The following RGPD4 variants were observed in gnomAD, a reference collection of about 807,000 sequenced individuals.
The protein encoded by RGPD4 is RANBP2 like and GRIP domain containing 4.
In RGPD4, 84 loss-of-function variants were observed where a neutral mutation model predicts 141.1. The ratio of observed to expected loss-of-function variants is 0.60; its 90% CI spans 0.50 to 0.71. The LOEUF is 0.71. RGPD4 is among the 30% of genes least tolerant of loss of function. The probability of loss-of-function intolerance (pLI) is 0.00; values close to 1 mark genes in which losing one functional copy is unlikely to be tolerated. For missense variants in RGPD4, 918 were observed against 1,622.4 expected, an observed-to-expected ratio of 0.57 and a Z score of 7.46; for synonymous variants, 298 against 566.8, an observed-to-expected ratio of 0.53 and a Z score of 6.74.
intron 7 of RGPD4, among the ~76,000 whole-genome samples, chr2:107,854,225 GTTT>G (rs1205040896): frequency 7.3e-6 from 1 of 136,382 alleles, no homozygotes; most frequent in African/African-American, 2.9e-5. Flanking sequence ...CTGGCTCTTT[GTTT>G]TTTTTTTTTA....
chr2:107,885,234 A>G (rs1675479598), intron 22 of RGPD4, among the ~76,000 whole-genome samples: 1 of 152,136 alleles, frequency 6.6e-6, no homozygotes, highest in Non-Finnish European at 1.5e-5. Flanking sequence ...GTCACCTAAG[A>G]GTAAAACTGC....
intron 21 of RGPD4, among the ~76,000 whole-genome samples, chr2:107,881,042 A>C (rs1178784410): frequency 6.6e-6 from 1 of 151,508 alleles, no homozygotes; most frequent in African/African-American, 2.4e-5. Context: ...ACAAAATTCA[A>C]ACTCATAGCT....
rs770246025 is a variant in RGPD4 at position 107,827,087 on chromosome 2, T to G, written c.72+2T>G. 6.3e-6 allele frequency: 10 copies of G among 1,589,062 alleles called. No individual in the cohort carries two copies. The highest frequency in any genetic ancestry group is 8.6e-6 in the Non-Finnish European group (10 of 1,169,198). On this transcript the variant is annotated splice_donor_variant, in intron 1 of 22. Transcript: ENST00000408999. LOFTEE classifies it high-confidence loss of function. ...GGCTCCGCCCCGTCGCCTCGAAAGG[T>G]GAGTGGATCTCGAAGAGACCGACGG...
rs1219216960 is a variant in RGPD4 at position 107,827,322 on chromosome 2, G to A, written c.72+237G>A. ...CGCGCTCTGTTGAGGCGGCGGCCTC[G>A]ACCCGGCCCGGCGGCGGCCTCGATG... On this transcript the variant is annotated intron_variant, in intron 1 of 22. Transcript: ENST00000408999. Among the ~76,000 whole-genome samples, 58 of 135,710 alleles carry A rather than the reference G, an allele frequency of 4.3e-4. 1 individual carries two copies. The highest frequency in any genetic ancestry group is 1.5e-3 in the African/African-American group (52 of 35,800). The allele number at this position is 135,710 out of a possible 152,430, so 89.0% of individuals were successfully genotyped here.
rs1438712890 is a variant in RGPD4 at position 107,862,995 on chromosome 2, T to C, written c.2432T>C (p.Leu811Ser). ...CGATGGGCAGAAGATCAGAATTCTT[T>C]ACTGAAAATGATTCGCCAAGAAGTA... Reference protein sequence around the residue: ...PPRWAEDQNSLLKMIRQEVKA... With the variant: ...PPRWAEDQNSSLKMIRQEVKA... The change falls in exon 17 of 23, where the codon TTA (leucine) becomes TCA (serine). Residue 811 changes from leucine to serine, a missense_variant. Physicochemically the swap from Leu to Ser is moderately radical, Grantham distance 145. Transcript: ENST00000408999. 2 of 1,564,968 alleles carry C rather than the reference T, an allele frequency of 1.3e-6. No individual in the cohort carries two copies. The highest frequency in any genetic ancestry group is 8.6e-7 in the Non-Finnish European group (1 of 1,157,138).
intron 9 of RGPD4, among the ~76,000 whole-genome samples, chr2:107,857,610 T>A (rs1326596369): frequency 6.6e-6 from 1 of 151,660 alleles, no homozygotes; most frequent in Non-Finnish European, 1.5e-5. Flanking sequence ...TTTTTTTTTT[T>A]AATTGGTAGA....
chr2:107,870,764 T>C lies in RGPD4; in HGVS notation c.2760T>C (p.Ala920=). ...TKEGFSIPVS[A]DGFKFGISEP... is the part of the protein sequence containing the mutation. ...AAGGATTTTCCATCCCTGTGTCTGC[T>C]GATGGATTTAAATTTGGCATTTCGG... is the stretch of plus-strand genomic sequence containing the variant. Residue 920 remains alanine (A), a synonymous_variant, in exon 20 of 23, where the codon GCT becomes GCC. Transcript: ENST00000408999. 6.2e-7 allele frequency: 1 copy of C among 1,610,362 alleles called. No homozygotes were observed. Among genetic ancestry groups the C allele is most frequent in the East Asian group, 2.2e-5 (1 of 44,862 alleles).
At position 107,871,561 on chromosome 2, in the gene RGPD4, G is replaced by T. The variant is rs373812613; in HGVS notation, c.3557G>T (p.Gly1186Val). The T allele has an allele frequency of 1.3e-6, 2 of 1,554,144 alleles. No homozygotes were observed. The stretch of plus-strand genomic sequence containing the variant: ...ACTCCCCATAAACTTGTAGATACTG[G>T]CAGAGCTGCCAAGTTAATACAGAGA... ...LQTPHKLVDT[G>V]RAAKLIQRAE... Residue 1186 changes from glycine to valine, a missense_variant, in exon 20 of 23, where the codon GGC (glycine) becomes GTC (valine). Gly to Val is a moderately radical substitution (Grantham distance 109). Transcript: ENST00000408999.
rs546735808 is a variant in RGPD4 at position 107,874,495 on chromosome 2, C to G, written c.4924+1567C>G. 5.0e-4 allele frequency among the ~76,000 whole-genome samples: 27 copies of G among 53,888 alleles called. No individual in the cohort carries two copies. In the East Asian group the frequency reaches 6.4e-3, roughly 13 times the overall value. 35.4% of individuals were successfully genotyped at this position (53,888 alleles called of 152,430 possible). A position where few individuals can be genotyped will look rare whatever the true frequency, so the allele number is the denominator to read the frequency against. Reference sequence around the variant, plus strand: ...ACAAGTACAATGATAAAGTAACAATCTCTGATTTTTTTTTTTAAGTATACC... The same window carrying G: ...ACAAGTACAATGATAAAGTAACAATGTCTGATTTTTTTTTTTAAGTATACC... On this transcript the variant is annotated intron_variant, in intron 20 of 22. Transcript: ENST00000408999.
intron 6 of RGPD4, among the ~76,000 whole-genome samples, chr2:107,845,734 T>G (rs1447316503): frequency 6.6e-6 from 1 of 152,166 alleles, no homozygotes; most frequent in East Asian, 1.9e-4. Context: ...CGGCTAATTT[T>G]TTTGTATTTT....
In RGPD4 at chr2:107,870,856, A is replaced by T. The variant is rs748829257; in HGVS notation, c.2852A>T (p.Asp951Val). ...LENDTGFQAQDISGQKNGRGV... is the reference protein window; with the variant it reads ...LENDTGFQAQVISGQKNGRGV... The stretch of plus-strand genomic sequence containing the variant: ...AATGATACTGGCTTCCAGGCTCAGG[A>T]TATTAGTGGCCAGAAGAATGGCCGT... Residue 951 changes from aspartate (D) to valine (V), a missense_variant, in exon 20 of 23, where the codon GAT (aspartate) becomes GTT (valine). Asp to Val is a radical substitution (Grantham distance 152). Transcript: ENST00000408999. 5.0e-6 allele frequency: 8 copies of T among 1,610,602 alleles called. No individual in the cohort carries two copies. The South Asian group carries it at 8.8e-5, about 18-fold the overall frequency.
intron 1 of RGPD4, among the ~76,000 whole-genome samples, chr2:107,830,165 G>A (rs1260870380): frequency 1.3e-5 from 2 of 151,618 alleles, no homozygotes; most frequent in East Asian, 1.9e-4. Flanking sequence ...GACTTTGGTA[G>A]CTGCCTTTGC....
intron 20 of RGPD4, 23 bp from the exon 21 acceptor site, chr2:107,879,945 A>T (rs768149363): frequency 4.9e-5 from 79 of 1,610,172 alleles, no homozygotes; most frequent in Non-Finnish European, 6.6e-5. Flanking sequence ...TTGAAAATTA[A>T]TTCTTGGAAC....
chr2:107,849,497 G>C (rs1682061594), intron 7 of RGPD4, among the ~76,000 whole-genome samples: 1 of 106,516 alleles, frequency 9.4e-6, no homozygotes, highest in African/African-American at 3.9e-5. Flanking sequence ...CTCCTGAGTA[G>C]CTGGGACTAC....
intron 15 of RGPD4, among the ~76,000 whole-genome samples, chr2:107,862,435 A>G (rs1296557559): frequency 6.6e-6 from 1 of 152,184 alleles, no homozygotes; most frequent in East Asian, 1.9e-4. Context: ...GTTAGATTGT[A>G]CAACACTTTT....
chr2:107,844,596 G>A (rs978583832), intron 6 of RGPD4, among the ~76,000 whole-genome samples: 11 of 147,020 alleles, frequency 7.5e-5, no homozygotes, highest in Admixed American at 3.4e-4. Context: ...ACTGAGTGCA[G>A]GGAGTAGGTA....
chr2:107,866,010 C>T (rs1397514699), intron 17 of RGPD4, among the ~76,000 whole-genome samples, 180 bp from the exon 18 acceptor site: 2 of 85,284 alleles, frequency 2.3e-5, no homozygotes, highest in South Asian at 4.2e-4. Context: ...GTGGAGGTTG[C>T]GGTGAGCCAA....
intron 22 of RGPD4, chr2:107,883,147 C>A (rs375860848): frequency 3.7e-5 from 24 of 649,984 alleles, no homozygotes; most frequent in African/African-American, 2.7e-4. Flanking sequence ...CCTGGTGTTG[C>A]GTTCTGGTGT....
At chr2:107,849,359 G>C in intron 7 of RGPD4, among the ~76,000 whole-genome samples, 1 of 51,192 alleles carries the variant, frequency 2.0e-5, no homozygotes, top group Non-Finnish European at 3.7e-5. Flanking sequence ...TGGCGCGCCT[G>C]GCCTTTTTTT....
Sources: gnomAD v4.1 joint callset for allele counts (sites outside exome capture counted in the v4.1 genomes callset) on GRCh38, gnomAD v4.1.1 for gene constraint, MANE v1.5 for transcripts, NCBI Gene and HGNC (gene_info 2026-07-23, HGNC 2026-07-21) for gene names.